CCDC50: variants seen among roughly 807,000 people sequenced by gnomAD.
The protein encoded by CCDC50 is coiled-coil domain containing 50.
In CCDC50, 54 loss-of-function variants were observed where a neutral mutation model predicts 70.2. That is an observed-to-expected ratio of 0.77 (90% CI 0.62 to 0.96). CCDC50 has a LOEUF of 0.96. Among genes scored for constraint, CCDC50 ranks in the 50% least tolerant of loss-of-function variants. The pLI, the probability that CCDC50 is intolerant of heterozygous loss-of-function variation, is 0.00. For missense variants in CCDC50, 558 were observed against 578.7 expected (o/e 0.96, Z 0.37); for synonymous variants, 216 against 198.8 (o/e 1.09, Z -0.73).
intron 4 of CCDC50, 120 bp downstream of exon 4, chr3:191,361,279 T>A: frequency 1.4e-6 from 1 of 728,160 alleles, no homozygotes; most frequent in East Asian, 2.8e-5. Flanking sequence ...AGAATGCCTC[T>A]TATTTGGGCT....
At chr3:191,364,118 G>A (rs1454756924) in intron 4 of CCDC50, among the ~76,000 whole-genome samples, 1 of 151,490 alleles carries the variant, frequency 6.6e-6, no homozygotes, top group Admixed American at 6.6e-5. Flanking sequence ...CTCCAGGCTG[G>A]AGTATAGTGG....
At chr3:191,364,382 T>A (rs1017244699) in intron 4 of CCDC50, among the ~76,000 whole-genome samples, 1 of 149,250 alleles carries the variant, frequency 6.7e-6, no homozygotes, top group Non-Finnish European at 1.5e-5. Flanking sequence ...TTTTTTTTTT[T>A]CCCCTTCCCT....
intron 4 of CCDC50, among the ~76,000 whole-genome samples, chr3:191,368,365 C>T (rs550272368): frequency 2.6e-5 from 4 of 152,066 alleles, no homozygotes; most frequent in Non-Finnish European, 4.4e-5. Context: ...ATTGCATGGA[C>T]ATTTACATAG....
chr3:191,340,779 G>A lies in CCDC50; in HGVS notation c.49+11056G>A, dbSNP rs114631213. On this transcript the variant is annotated intron_variant, in intron 1 of 11. Coordinates refer to ENST00000392455, the MANE Select transcript of CCDC50 (RefSeq NM_178335.3). The stretch of plus-strand genomic sequence containing the variant: ...TATGAGGTTAGAAAGAGCTTTAGAC[G>A]TGCAGTAAACTATTGATTATATTGT... Among the ~76,000 whole-genome samples the A allele has an allele frequency of 3.8e-3, 580 of 152,264 alleles. 4 individuals are homozygous for A. The highest frequency in any genetic ancestry group is 0.013 in the African/African-American group (553 of 41,550).
At chr3:191,341,785 T>C (rs1711741552) in intron 1 of CCDC50, among the ~76,000 whole-genome samples, 1 of 152,250 alleles carries the variant, frequency 6.6e-6, no homozygotes, top group South Asian at 2.1e-4. Context: ...CAGAATCACT[T>C]CTTAAAATCT....
rs1449429815 is a variant in CCDC50, at chr3:191,329,732, C to A, written c.49+9C>A. 1.2e-6 allele frequency: 2 copies of A among 1,608,514 alleles called. No individual in the cohort carries two copies. The highest frequency in any genetic ancestry group is 8.5e-7 in the Non-Finnish European group (1 of 1,178,152). On this transcript the variant is annotated intron_variant, in intron 1 of 11. Transcript: ENST00000392455. ...GCCTGGAGTCAAGGAAGGTAAGGGC[C>A]CCGGAGGGAGAGCGCGCGGGACCCT...
At chr3:191,357,524 A>G (rs1712332740) in intron 2 of CCDC50, among the ~76,000 whole-genome samples, 1 of 152,218 alleles carries the variant, frequency 6.6e-6, no homozygotes, top group South Asian at 2.1e-4. Flanking sequence ...TGTGGTATAA[A>G]TGAGATCACA....
At chr3:191,368,124 A>G (rs1712763966) in intron 4 of CCDC50, among the ~76,000 whole-genome samples, 1 of 152,080 alleles carries the variant, frequency 6.6e-6, no homozygotes, top group South Asian at 2.1e-4. Context: ...CCAAATTTAT[A>G]TCAGTAGTGA....
chr3:191,388,152 A>ATATT (rs1491065428), intron 10 of CCDC50, among the ~76,000 whole-genome samples: 6 of 151,960 alleles, frequency 3.9e-5, no homozygotes, highest in African/African-American at 1.4e-4. Context: ...ATATATATAT[A>ATATT]TATAAAACAG....
intron 1 of CCDC50, among the ~76,000 whole-genome samples, chr3:191,354,747 C>T (rs1417346409): frequency 4.6e-5 from 7 of 152,066 alleles, no homozygotes; most frequent in Admixed American, 6.6e-5. Flanking sequence ...CTAGTCCCTT[C>T]GTATTTGTGG....
intron 1 of CCDC50, among the ~76,000 whole-genome samples, chr3:191,352,776 T>TATC (rs34862522): frequency 0.51 from 71,131 of 140,118 alleles, 24,929 homozygotes; most frequent in East Asian, 0.92. Context: ...TAGATTAACA[T>TATC]ATTGAAACTC....
chr3:191,357,177 C>T, intron 2 of CCDC50, 27 bp downstream of exon 2: 1 of 1,596,196 alleles, frequency 6.3e-7, no homozygotes, highest in South Asian at 1.1e-5. Context: ...ATTTATGCTC[C>T]TTCAGTTTTC....
intron 10 of CCDC50, among the ~76,000 whole-genome samples, chr3:191,383,782 C>T (rs1268639671): frequency 6.6e-6 from 1 of 152,114 alleles, no homozygotes; most frequent in African/African-American, 2.4e-5. Context: ...AGAATAGTGG[C>T]ATATTCTGTC....
Position 191,329,561 on chromosome 3 carries a change from T to A in CCDC50, c.-114T>A. The A allele has an allele frequency of 9.5e-7, 1 of 1,055,278 alleles. No homozygotes were observed. The highest frequency in any genetic ancestry group is 1.3e-6 in the Non-Finnish European group (1 of 746,146). 65.4% of individuals were successfully genotyped at this position (1,055,278 alleles called of 1,614,324 possible). A position where few individuals can be genotyped will look rare whatever the true frequency, so the allele number is the denominator to read the frequency against. On this transcript the variant is annotated 5_prime_UTR_variant, in exon 1 of 12. Transcript: ENST00000392455. ...GCTCCGTTCTCCGGCCTGCGAGCCCTGCCGGCCGGACTTTGCGCCGCGTCC... is the reference window on the plus strand; with the variant it reads ...GCTCCGTTCTCCGGCCTGCGAGCCCAGCCGGCCGGACTTTGCGCCGCGTCC...
At chr3:191,330,958 C>T (rs1717961732) in intron 1 of CCDC50, among the ~76,000 whole-genome samples, 1 of 152,192 alleles carries the variant, frequency 6.6e-6, no homozygotes, top group African/African-American at 2.4e-5. Flanking sequence ...TACTTTTCTA[C>T]CTTTCCGTCC....
intron 2 of CCDC50, 45 bp from the exon 3 acceptor site, chr3:191,357,949 TAACA>T (rs1712347148): frequency 6.2e-7 from 1 of 1,612,686 alleles, no homozygotes; most frequent in Non-Finnish European, 8.5e-7. Context: ...CATTTATTAC[TAACA>T]AACCAAGACA....
rs1454805343 is a variant in CCDC50 at position 191,382,728 on chromosome 3, T to G, written c.1243-18T>G. The G allele has an allele frequency of 6.5e-7, 1 of 1,541,334 alleles. No individual in the cohort carries two copies. The highest frequency in any genetic ancestry group is 9.0e-7 in the Non-Finnish European group (1 of 1,115,434). On this transcript the variant is annotated intron_variant, in intron 9 of 11. Coordinates refer to ENST00000392455, the MANE Select transcript of CCDC50 (RefSeq NM_178335.3). The stretch of plus-strand genomic sequence containing the variant: ...GTGTGTGTTATTTTTGTTTGTTTGT[T>G]TGTATTTTTGTCCATAGCCAAAAAC...
intron 10 of CCDC50, among the ~76,000 whole-genome samples, chr3:191,386,723 A>G (rs1713509989): frequency 6.6e-6 from 1 of 152,210 alleles, no homozygotes; most frequent in African/African-American, 2.4e-5. Flanking sequence ...ACTCAATCCC[A>G]TCTACGATAA....
rs745986897 is a variant in CCDC50 at position 191,375,086 on chromosome 3, G to T, written c.473G>T (p.Arg158Met). ...DGDQPGSRRA[R>M]ELGSGFSRPC... ...GACCAACCAGGGTCAAGGAGGGCCA[G>T]GGAATTGGGTTCTGGATTCTCAAGA... The change falls in exon 6 of 12, where the codon AGG (arginine) becomes ATG (methionine). Residue 158 changes from arginine (R) to methionine (M), a missense_variant. Physicochemically the swap from Arg to Met is moderately conservative, Grantham distance 91 (BLOSUM62 -1). Transcript: ENST00000392455. The T allele has an allele frequency of 2.5e-6, 4 of 1,613,512 alleles. No homozygotes were observed. The highest frequency in any genetic ancestry group is 3.3e-5 in the Admixed American group (2 of 59,960).
Sources: allele counts gnomAD v4.1 joint callset (sites outside exome capture counted in the v4.1 genomes callset), GRCh38; gene constraint gnomAD v4.1.1; transcripts MANE v1.5; gene names NCBI Gene and HGNC (gene_info 2026-07-23, HGNC 2026-07-21).